Variants in TBX20 observed in about 807,000 individuals in gnomAD.
The protein encoded by TBX20 is T-box transcription factor 20.
TBX20 carries 8 observed loss-of-function variants against 42.9 expected under a neutral mutation model. That is an observed-to-expected ratio of 0.19 (90% CI 0.11 to 0.34). TBX20 has a LOEUF of 0.34. Ranked by LOEUF, TBX20 falls within the 10% of genes least tolerant of loss-of-function variation. The pLI is 1.00. For missense variants in TBX20, 411 were observed against 566.0 expected, an observed-to-expected ratio of 0.73 and a Z score of 2.78; for synonymous variants, 198 against 222.8, an observed-to-expected ratio of 0.89 and a Z score of 0.99.
intron 6 of TBX20, among the ~76,000 whole-genome samples, chr7:35,207,196 T>A (rs1399993549): frequency 6.6e-6 from 1 of 152,216 alleles, no homozygotes; most frequent in Non-Finnish European, 1.5e-5. Flanking sequence ...AATGTTTAAT[T>A]TTAGCTATTG....
intron 5 of TBX20, among the ~76,000 whole-genome samples, chr7:35,240,505 T>C (rs1280583805): frequency 1.3e-5 from 2 of 152,176 alleles, no homozygotes; most frequent in African/African-American, 4.8e-5. Flanking sequence ...AGAATAGGTG[T>C]GTTTAATTGA....
intron 1 of TBX20, 75 bp from the exon 2 acceptor site, chr7:35,250,278 A>AT (rs2128716185): frequency 7.1e-7 from 1 of 1,417,084 alleles, no homozygotes; most frequent in Non-Finnish European, 9.3e-7. Flanking sequence ...CAGCATAACC[A>AT]AATGGTCACT....
chr7:35,203,637 C>G (rs932606779), intron 7 of TBX20, among the ~76,000 whole-genome samples: 2 of 152,146 alleles, frequency 1.3e-5, no homozygotes, highest in Non-Finnish European at 1.5e-5. Flanking sequence ...GGCTTCTGAT[C>G]AACAGTAGGC....
At chr7:35,246,537 T>C (rs1393989924) in intron 3 of TBX20, among the ~76,000 whole-genome samples, 1 of 152,196 alleles carries the variant, frequency 6.6e-6, no homozygotes, top group African/African-American at 2.4e-5. Context: ...TTAAATATTA[T>C]GTACTTTAAA....
At chr7:35,218,580 A>C (rs1030131916) in intron 6 of TBX20, among the ~76,000 whole-genome samples, 3 of 152,212 alleles carry the variant, frequency 2.0e-5, no homozygotes, top group Non-Finnish European at 4.4e-5. Context: ...ATATGTTTTT[A>C]CTATTTTTTT....
At chr7:35,253,285 C>A (rs1429551074) in intron 1 of TBX20, among the ~76,000 whole-genome samples, 1 of 152,204 alleles carries the variant, frequency 6.6e-6, no homozygotes, top group Admixed American at 6.5e-5. Flanking sequence ...AGGAGACCGA[C>A]GGGCCCAGAT....
intron 4 of TBX20, among the ~76,000 whole-genome samples, chr7:35,243,123 G>C (rs1411850929): frequency 6.6e-6 from 1 of 152,086 alleles, no homozygotes; most frequent in East Asian, 1.9e-4. Flanking sequence ...GACTACAAGT[G>C]CATGCCACCA....
chr7:35,232,662 GA>G (rs1789889617), intron 5 of TBX20, among the ~76,000 whole-genome samples: 1 of 152,142 alleles, frequency 6.6e-6, no homozygotes, highest in African/African-American at 2.4e-5. Flanking sequence ...CTTAACAGGG[GA>G]AAAAAGTTAC....
At chr7:35,252,063 AAG>A (rs1410801681) in intron 1 of TBX20, among the ~76,000 whole-genome samples, 1 of 152,206 alleles carries the variant, frequency 6.6e-6, no homozygotes. Context: ...CAGAAAAATA[AAG>A]AGAGAAGGAA....
chr7:35,243,867 C>T (rs1223793242), intron 4 of TBX20, among the ~76,000 whole-genome samples: 1 of 152,208 alleles, frequency 6.6e-6, no homozygotes, highest in Non-Finnish European at 1.5e-5. Flanking sequence ...GTAATAAACA[C>T]AGTCTCCTGT....
At chr7:35,227,046 T>C (rs1362208201) in intron 6 of TBX20, among the ~76,000 whole-genome samples, 4 of 150,710 alleles carry the variant, frequency 2.7e-5, no homozygotes, top group Admixed American at 6.6e-5. Flanking sequence ...ATGTGTGTGA[T>C]TATGTCTTAG....
At chr7:35,245,319 G>GTGTGTGTGTGTGTGTGT (rs3219698) in intron 3 of TBX20, among the ~76,000 whole-genome samples, 3 of 146,398 alleles carry the variant, frequency 2.0e-5, no homozygotes, top group African/African-American at 7.6e-5. Context: ...TGTTTAAAGG[G>GTGTGTGTGTGTGTGTGT]GTGTGTGTGT....
intron 5 of TBX20, among the ~76,000 whole-genome samples, chr7:35,236,134 C>T (rs1394038905): frequency 6.6e-6 from 1 of 152,162 alleles, no homozygotes; most frequent in African/African-American, 2.4e-5. Context: ...AAAGGTCCTA[C>T]TTTCATTACT....
At position 35,245,038 on chromosome 7, in the gene TBX20, A is replaced by T. The variant is rs1790154230; in HGVS notation, c.565T>A (p.Ser189Thr). The T allele has an allele frequency of 3.1e-6, 5 of 1,613,304 alleles. No homozygotes were observed. Among genetic ancestry groups the T allele is most frequent in the Non-Finnish European group, 4.2e-6 (5 of 1,179,512 alleles). ...LPARLYVHPD[S>T]PFTGEQLLKQ... is the part of the protein sequence containing the mutation. Reference sequence around the variant, plus strand: ...AGTAGTTGCTCACCGGTAAAAGGAGAATCTGGATGCACATAGAGCCTAAGA... The same window carrying T: ...AGTAGTTGCTCACCGGTAAAAGGAGTATCTGGATGCACATAGAGCCTAAGA... Residue 189 changes from serine to threonine, a missense_variant, in exon 4 of 8, where the codon TCT becomes ACT. Around this residue, in one of 5 missense-constraint regions of TBX20, gnomAD observed 121 missense variants for 165.9 expected, o/e 0.73. Transcript: ENST00000408931.
intron 4 of TBX20, among the ~76,000 whole-genome samples, chr7:35,243,339 GT>G (rs1198844739): frequency 1.3e-5 from 2 of 152,092 alleles, no homozygotes; most frequent in Admixed American, 1.3e-4. Flanking sequence ...AGACTAACCA[GT>G]TTTTTAAGGT....
At chr7:35,228,897 A>C (rs1789821397) in intron 6 of TBX20, among the ~76,000 whole-genome samples, 1 of 152,208 alleles carries the variant, frequency 6.6e-6, no homozygotes, top group South Asian at 2.1e-4. Context: ...AGAAATGAGG[A>C]AGACGATGTC....
intron 3 of TBX20, 101 bp from the exon 4 acceptor site, chr7:35,245,158 TAA>T: frequency 2.3e-6 from 2 of 879,214 alleles, no homozygotes. Flanking sequence ...AAACCATATA[TAA>T]GTGGGAAATT....
chr7:35,232,502 AATCACACAC>A (rs1789886565), intron 5 of TBX20, among the ~76,000 whole-genome samples: 1 of 152,238 alleles, frequency 6.6e-6, no homozygotes, highest in African/African-American at 2.4e-5. Context: ...TCCGACAGAT[AATCACACAC>A]AGACTCAAAG....
intron 3 of TBX20, among the ~76,000 whole-genome samples, chr7:35,247,578 C>CT (rs1429854211): frequency 6.6e-6 from 1 of 152,130 alleles, no homozygotes; most frequent in Non-Finnish European, 1.5e-5. Context: ...AATATTCTAT[C>CT]TGAACCATAT....
Sources: allele counts gnomAD v4.1 joint callset (sites outside exome capture counted in the v4.1 genomes callset), GRCh38; gene constraint gnomAD v4.1.1; regional missense constraint gnomAD v4.1.1; transcripts MANE v1.5; gene names NCBI Gene and HGNC (gene_info 2026-07-23, HGNC 2026-07-21).